LRRC49: variants seen among roughly 807,000 people sequenced by gnomAD.
The protein encoded by LRRC49 is leucine rich repeat containing 49, also known as leucine-rich repeat-containing protein 49.
In LRRC49, 50 loss-of-function variants were observed where a neutral mutation model predicts 83.3. The observed-to-expected ratio is 0.60, with a 90% CI of 0.48 to 0.76. The LOEUF (loss-of-function observed/expected upper bound fraction) is 0.76, where lower values mean the gene tolerates loss of function less well. LRRC49 is among the 30% of genes least tolerant of loss of function. The probability of loss-of-function intolerance (pLI) is 0.00; values close to 1 mark genes in which losing one functional copy is unlikely to be tolerated. For synonymous variants in LRRC49, 286 were observed against 283.3 expected (o/e 1.01, Z -0.10); for missense variants, 704 against 809.1 (o/e 0.87, Z 1.58).
chr15:70,912,867 C>G (rs1178832813), intron 6 of LRRC49, among the ~76,000 whole-genome samples: 1 of 151,926 alleles, frequency 6.6e-6, no homozygotes, highest in East Asian at 1.9e-4. Flanking sequence ...TTAGTAGAGA[C>G]AGGGTTTCAC....
intron 8 of LRRC49, among the ~76,000 whole-genome samples, chr15:70,949,187 G>C (rs1472826915): frequency 6.6e-6 from 1 of 152,182 alleles, no homozygotes; most frequent in African/African-American, 2.4e-5. Context: ...AGTTTGCCAA[G>C]TCCTGGTCTT....
At chr15:70,912,074 T>C (rs182458473) in intron 6 of LRRC49, among the ~76,000 whole-genome samples, 1 of 152,286 alleles carries the variant, frequency 6.6e-6, no homozygotes, top group African/African-American at 2.4e-5. Context: ...TTAAAAAAGG[T>C]ATACTATATG....
At chr15:70,994,144 G>A (rs1157186809) in intron 11 of LRRC49, among the ~76,000 whole-genome samples, 1 of 152,142 alleles carries the variant, frequency 6.6e-6, no homozygotes, top group Non-Finnish European at 1.5e-5. Context: ...ACCGCACATG[G>A]CCTCAAACTT....
intron 4 of LRRC49, among the ~76,000 whole-genome samples, chr15:70,903,175 A>T (rs2034157773): frequency 6.6e-6 from 1 of 152,058 alleles, no homozygotes; most frequent in Admixed American, 6.6e-5. Context: ...GATGATTTAA[A>T]TTTTTTGCAA....
intron 1 of LRRC49, among the ~76,000 whole-genome samples, chr15:70,863,077 A>G (rs149127480): frequency 2.4e-4 from 37 of 152,322 alleles, no homozygotes; most frequent in African/African-American, 8.7e-4. Context: ...ACTATTTCTA[A>G]TTCTCACAAA....
At chr15:70,998,499 C>T (rs2038149361) in intron 11 of LRRC49, among the ~76,000 whole-genome samples, 1 of 151,778 alleles carries the variant, frequency 6.6e-6, no homozygotes, top group East Asian at 1.9e-4. Flanking sequence ...TTAAATATAT[C>T]ATCCACTACT....
At chr15:70,975,827 C>T (rs919513546) in intron 9 of LRRC49, among the ~76,000 whole-genome samples, 2 of 151,810 alleles carry the variant, frequency 1.3e-5, no homozygotes, top group African/African-American at 2.4e-5. Context: ...CTCATGTGTA[C>T]GTTTTCTGTT....
chr15:70,936,695 G>A, intron 7 of LRRC49, 66 bp from the exon 8 acceptor site: 1 of 946,688 alleles, frequency 1.1e-6, no homozygotes, highest in Non-Finnish European at 1.7e-6. Context: ...CAATAGCTTA[G>A]CAAGAAGACA....
chr15:71,037,618 G>A (rs377239641), intron 15 of LRRC49, among the ~76,000 whole-genome samples: 2 of 152,170 alleles, frequency 1.3e-5, no homozygotes, highest in East Asian at 1.9e-4. Flanking sequence ...CTAGTCCAAA[G>A]CAGGACCAAG....
At chr15:70,921,981 C>G (rs1376578037) in intron 7 of LRRC49, among the ~76,000 whole-genome samples, 1 of 152,070 alleles carries the variant, frequency 6.6e-6, no homozygotes, top group Admixed American at 6.6e-5. Flanking sequence ...GCATCTTTCT[C>G]TTTAAAAATT....
At chr15:70,977,849 A>G (rs931702954) in intron 9 of LRRC49, among the ~76,000 whole-genome samples, 3 of 152,024 alleles carry the variant, frequency 2.0e-5, no homozygotes, top group African/African-American at 7.2e-5. Context: ...AAAAATATGA[A>G]TTTTGTTTCT....
chr15:71,002,936 G>T (rs2038313457), intron 11 of LRRC49, among the ~76,000 whole-genome samples: 1 of 90,022 alleles, frequency 1.1e-5, no homozygotes, highest in Non-Finnish European at 2.4e-5. Context: ...GATATTTTCT[G>T]GCCTTTTTTT....
intron 11 of LRRC49, among the ~76,000 whole-genome samples, chr15:71,005,625 A>G (rs1359307623): frequency 2.0e-5 from 3 of 152,204 alleles, no homozygotes; most frequent in Non-Finnish European, 4.4e-5. Context: ...AAAAGTGAGC[A>G]ATAATTTTGC....
Position 70,979,968 on chromosome 15 carries a change from T to A in LRRC49, c.922-133T>A, listed in dbSNP as rs540992433. 28 of 529,862 alleles carry A rather than the reference T, an allele frequency of 5.3e-5. No individual in the cohort carries two copies. The South Asian group carries it at 8.6e-4, about 16-fold the overall frequency. The allele number at this position is 529,862 out of a possible 1,614,324, so 32.8% of individuals were successfully genotyped here. On this transcript the variant is annotated intron_variant, in intron 9 of 15. Coordinates refer to ENST00000260382, the MANE Select transcript of LRRC49 (RefSeq NM_017691.5). ...AATAAAGAGAAACATACTAAATTTT[T>A]CTTTGAGAGTATATTTTCTGCTAGT... is the stretch of plus-strand genomic sequence containing the variant.
At chr15:71,026,632 G>A (rs938312943) in intron 14 of LRRC49, among the ~76,000 whole-genome samples, 3 of 152,002 alleles carry the variant, frequency 2.0e-5, no homozygotes, top group South Asian at 2.1e-4. Context: ...TTTAATAATC[G>A]CCATTCTAAC....
At chr15:70,853,723 C>A (rs915208903) in intron 1 of LRRC49, among the ~76,000 whole-genome samples, 1 of 152,160 alleles carries the variant, frequency 6.6e-6, no homozygotes, top group African/African-American at 2.4e-5. Flanking sequence ...GCTGCCTCCA[C>A]GGGCCGGTTC....
intron 11 of LRRC49, among the ~76,000 whole-genome samples, chr15:70,992,359 G>A (rs559028596): frequency 2.6e-4 from 40 of 152,336 alleles, no homozygotes; most frequent in African/African-American, 8.9e-4. Context: ...GAGGAGCTGC[G>A]TTCCTTTGGA....
intron 7 of LRRC49, among the ~76,000 whole-genome samples, chr15:70,930,607 T>C (rs951336498): frequency 2.0e-5 from 3 of 152,240 alleles, no homozygotes; most frequent in Non-Finnish European, 4.4e-5. Context: ...TCTCCATCTA[T>C]AAAAGTCCTA....
At chr15:70,937,923 T>C (rs1219231498) in intron 8 of LRRC49, among the ~76,000 whole-genome samples, 2 of 152,152 alleles carry the variant, frequency 1.3e-5, no homozygotes, top group East Asian at 1.9e-4. Flanking sequence ...AGGCAGAATT[T>C]CTTTTCAATG....
Sources: gnomAD v4.1 joint callset for allele counts (sites outside exome capture counted in the v4.1 genomes callset) on GRCh38, gnomAD v4.1.1 for gene constraint, MANE v1.5 for transcripts, NCBI Gene and HGNC (gene_info 2026-07-23, HGNC 2026-07-21) for gene names.